FMN1: variants seen among roughly 807,000 people sequenced by gnomAD.
The protein encoded by FMN1 is formin-1.
A neutral mutation model predicts 132.4 loss-of-function variants in FMN1; 110 were observed. The ratio of observed to expected loss-of-function variants is 0.83; its 90% CI spans 0.71 to 0.97. FMN1 has a LOEUF of 0.97. Among genes scored for constraint, FMN1 ranks in the 50% least tolerant of loss-of-function variants. The pLI is 0.00. For missense variants in FMN1, 1,792 were observed against 1,705.3 expected, an observed-to-expected ratio of 1.05 and a Z score of -0.90; for synonymous variants, 722 against 651.7, an observed-to-expected ratio of 1.11 and a Z score of -1.64.
At chr15:33,156,657 C>A (rs980314400) in intron 3 of FMN1, among the ~76,000 whole-genome samples, 2 of 152,070 alleles carry the variant, frequency 1.3e-5, no homozygotes, top group African/African-American at 4.8e-5. Flanking sequence ...TGTAGGGATA[C>A]TTAATAATTA....
chr15:32,846,705 A>G (rs1478643320), intron 17 of FMN1, among the ~76,000 whole-genome samples: 1 of 152,228 alleles, frequency 6.6e-6, no homozygotes, highest in Non-Finnish European at 1.5e-5. Context: ...CAATCCCATT[A>G]CTGGTATATA....
chr15:32,904,013 T>C (rs1015635157), intron 12 of FMN1, among the ~76,000 whole-genome samples: 3 of 152,242 alleles, frequency 2.0e-5, no homozygotes, highest in Non-Finnish European at 4.4e-5. Context: ...TCACCAAGAA[T>C]GTCAGTCTGT....
chr15:32,840,055 C>T lies in FMN1; in HGVS notation c.3928+16960G>A, dbSNP rs531335372. 2.6e-5 allele frequency among the ~76,000 whole-genome samples: 4 copies of T among 152,300 alleles called. No individual in the cohort carries two copies. In the South Asian group the frequency reaches 8.3e-4, roughly 32 times the overall value. ...ACAAACCTAAGAAGTGATGAATCCT[C>T]CCCGGGAGGAGAGCTGCAGCCCTGA... On this transcript the variant is annotated intron_variant, in intron 17 of 20. Coordinates refer to ENST00000616417, the MANE Select transcript of FMN1 (RefSeq NM_001277313.2).
intron 19 of FMN1, among the ~76,000 whole-genome samples, chr15:32,795,436 C>T (rs2057250369): frequency 6.6e-6 from 1 of 152,144 alleles, no homozygotes; most frequent in Admixed American, 6.5e-5. Context: ...AAAATTAGAA[C>T]CGCAGTTTCT....
intron 15 of FMN1, among the ~76,000 whole-genome samples, chr15:32,890,316 G>A (rs1012539188): frequency 3.3e-5 from 5 of 152,164 alleles, no homozygotes; most frequent in African/African-American, 9.7e-5. Flanking sequence ...TCAAATGACA[G>A]CTCTACTTTC....
chr15:32,910,491 C>T lies in FMN1; in HGVS notation c.3271G>A (p.Ala1091Thr), dbSNP rs139446870. 330 of 1,579,488 alleles carry T rather than the reference C, an allele frequency of 2.1e-4. 1 individual carries two copies. The African/African-American group carries it at 4.1e-3, about 20-fold the overall frequency. Residue 1091 changes from alanine (A) to threonine (T), a missense_variant, in exon 11 of 21, where the codon GCA (alanine) becomes ACA (threonine). By Grantham distance (58) the Ala-to-Thr change is moderately conservative. Around this residue, in one of 3 missense-constraint regions of FMN1, gnomAD observed 1,150 missense variants for 1,043.1 expected, o/e 1.10. Transcript: ENST00000616417. ...DDSVVDLETL[A>T]ALYENRAQED... The stretch of plus-strand genomic sequence containing the variant: ...ACACTCACGTTTTCATATAAGGCTG[C>T]CAGGGTCTCCAGATCAACCACGGAG...
intron 4 of FMN1, among the ~76,000 whole-genome samples, chr15:33,094,106 A>G (rs1263807257): frequency 6.6e-6 from 1 of 152,196 alleles, no homozygotes; most frequent in Non-Finnish European, 1.5e-5. Context: ...AGCAGACGTG[A>G]ACAAGTTAAG....
chr15:33,029,786 G>A (rs1050639087), intron 6 of FMN1, among the ~76,000 whole-genome samples: 2 of 152,148 alleles, frequency 1.3e-5, no homozygotes, highest in Admixed American at 1.3e-4. Context: ...GAGGAAGAAG[G>A]GATCTGTGGT....
chr15:33,121,903 CAAT>C (rs1407475096), intron 4 of FMN1, among the ~76,000 whole-genome samples: 3 of 152,164 alleles, frequency 2.0e-5, no homozygotes, highest in African/African-American at 7.2e-5. Context: ...CTTAGAGCCA[CAAT>C]AAGAAAAATC....
chr15:33,112,916 C>G (rs953081722), intron 4 of FMN1, among the ~76,000 whole-genome samples: 1 of 152,166 alleles, frequency 6.6e-6, no homozygotes, highest in African/African-American at 2.4e-5. Flanking sequence ...TACAGCTGCC[C>G]TAGGCAGTCC....
At chr15:33,168,852 C>T (rs1473067584) in intron 3 of FMN1, among the ~76,000 whole-genome samples, 1 of 152,184 alleles carries the variant, frequency 6.6e-6, no homozygotes, top group Non-Finnish European at 1.5e-5. Flanking sequence ...GTCACAAGTG[C>T]TAAGACGAGA....
chr15:33,101,381 T>C (rs2039288333), intron 4 of FMN1, among the ~76,000 whole-genome samples: 1 of 152,158 alleles, frequency 6.6e-6, no homozygotes, highest in Non-Finnish European at 1.5e-5. Flanking sequence ...ATCTTTTGGC[T>C]TCCCTGGGCC....
intron 9 of FMN1, among the ~76,000 whole-genome samples, chr15:32,939,515 T>C (rs1191595809): frequency 2.0e-5 from 3 of 152,192 alleles, no homozygotes; most frequent in Admixed American, 6.5e-5. Flanking sequence ...TTTAGAATCA[T>C]TGTTAAGTTT....
chr15:33,016,320 CAG>C (rs990427783), intron 6 of FMN1, among the ~76,000 whole-genome samples: 10 of 152,164 alleles, frequency 6.6e-5, no homozygotes, highest in African/African-American at 2.2e-4. Flanking sequence ...TCATGTAAGG[CAG>C]AGTCACAAGT....
intron 2 of FMN1, among the ~76,000 whole-genome samples, chr15:33,189,141 A>C (rs1472711600): frequency 1.3e-5 from 2 of 152,224 alleles, no homozygotes; most frequent in African/African-American, 4.8e-5. Context: ...GGGTGATCTT[A>C]ACACAAGGCC....
Position 32,907,188 on chromosome 15 carries a change from T to C in FMN1, c.3377+1302A>G, listed in dbSNP as rs151261133. Among the ~76,000 whole-genome samples the C allele has an allele frequency of 9.1e-3, 1,380 of 152,112 alleles. 18 individuals are homozygous for C. Among genetic ancestry groups the C allele is most frequent in the African/African-American group, 0.032 (1,316 of 41,468 alleles). ...AGCACATTACATTTATTGTGCACTT[T>C]ATTTCCATTATTATTACATTGTAAC... On this transcript the variant is annotated intron_variant, in intron 12 of 20. Transcript: ENST00000616417.
chr15:33,181,403 C>T (rs1032195871), intron 2 of FMN1, among the ~76,000 whole-genome samples: 1 of 152,222 alleles, frequency 6.6e-6, no homozygotes, highest in Non-Finnish European at 1.5e-5. Context: ...TTGGGAGCTG[C>T]AGCCACTGCT....
At position 32,798,787 on chromosome 15, in the gene FMN1, C is replaced by T; in HGVS notation, c.4130+17G>A. 6.2e-7 allele frequency: 1 copy of T among 1,603,362 alleles called. No homozygotes were observed. Among genetic ancestry groups the T allele is most frequent in the Non-Finnish European group, 8.5e-7 (1 of 1,174,526 alleles). On this transcript the variant is annotated intron_variant, in intron 19 of 20. Coordinates refer to ENST00000616417, the MANE Select transcript of FMN1 (RefSeq NM_001277313.2). ...AGGCTCCTGAAGGAGGCATTAAAAT[C>T]TTTTTTTGAACCTTACCTTTCTTTA...
chr15:33,030,097 G>A (rs1454224222), intron 6 of FMN1, among the ~76,000 whole-genome samples: 1 of 152,222 alleles, frequency 6.6e-6, no homozygotes, highest in Non-Finnish European at 1.5e-5. Flanking sequence ...GGCAAAGCTT[G>A]CAGCCAGCTG....
Sources: allele counts gnomAD v4.1 joint callset (sites outside exome capture counted in the v4.1 genomes callset), GRCh38; gene constraint gnomAD v4.1.1; regional missense constraint gnomAD v4.1.1; transcripts MANE v1.5; gene names NCBI Gene and HGNC (gene_info 2026-07-23, HGNC 2026-07-21).